The following GRHL3 variants were observed in gnomAD, a reference collection of about 807,000 sequenced individuals.
GRHL3 encodes the protein grainyhead-like protein 3 homolog.
Under a neutral mutation model 70.3 loss-of-function variants are expected in GRHL3, and 20 were observed. The observed-to-expected ratio is 0.28, with a 90% CI of 0.20 to 0.41. The LOEUF is 0.41. GRHL3 is among the 10% of genes least tolerant of loss of function. The pLI, the probability that GRHL3 is intolerant of heterozygous loss-of-function variation, is 1.00. For missense variants in GRHL3, 637 were observed against 762.3 expected (o/e 0.84, Z 1.94); for synonymous variants, 299 against 299.9 (o/e 1.00, Z 0.03).
chr1:24,332,050 G>T lies in GRHL3; in HGVS notation c.204+438G>T, dbSNP rs74571925. 8.0e-3 allele frequency among the ~76,000 whole-genome samples: 1,220 copies of T among 152,254 alleles called. 14 individuals carry two copies. Among genetic ancestry groups the T allele is most frequent in the African/African-American group, 0.027 (1,117 of 41,540 alleles). On this transcript the variant is annotated intron_variant, in intron 2 of 15. Transcript: ENST00000361548. ...GTGGACAGTGCCTGACCCACTCGTT[G>T]CCTGGTCCAAGCACATTCTGTGACA...
intron 1 of GRHL3, among the ~76,000 whole-genome samples, chr1:24,330,022 A>G (rs951782339): frequency 1.6e-4 from 24 of 152,364 alleles, no homozygotes; most frequent in African/African-American, 5.5e-4. Flanking sequence ...ACCCAGAGCC[A>G]GTGAATCAGA....
chr1:24,336,693 G>A lies in GRHL3; in HGVS notation c.478G>A (p.Val160Met). ...AGPSKLEAGS[V>M]DSYLLPTTDM... ...CCCCAGCAAGCTGGAGGCCGGCTCT[G>A]TGGACAGCTACCTGTTACCCACCAC... Residue 160 changes from valine to methionine, a missense_variant, in exon 4 of 16, where the codon GTG (valine) becomes ATG (methionine). Transcript: ENST00000361548. 6.2e-7 allele frequency: 1 copy of A among 1,614,140 alleles called. No homozygotes were observed.
At position 24,342,677 on chromosome 1, in the gene GRHL3, C is replaced by A; in HGVS notation, c.1207-17C>A. On this transcript the variant is annotated splice_polypyrimidine_tract_variant and intron_variant, in intron 9 of 15. Coordinates refer to ENST00000361548, the MANE Select transcript of GRHL3 (RefSeq NM_198173.3). The surrounding 1 kb of genome is among the most constrained non-coding windows in gnomAD (Gnocchi z 4.8). ...CCTCCCAGGCCCTTGGTGACCCTCT[C>A]TCCTTCTCCCCTGCAGGGAGCTGAG... 6.2e-7 allele frequency: 1 copy of A among 1,613,280 alleles called. No homozygotes were observed. The highest frequency in any genetic ancestry group is 1.1e-5 in the South Asian group (1 of 91,062).
At chr1:24,343,155 T>C (rs1231117977) in intron 11 of GRHL3, 130 bp downstream of exon 11, 8 of 1,010,620 alleles carry the variant, frequency 7.9e-6, no homozygotes, top group Non-Finnish European at 1.5e-6. Context: ...TATTGAATCA[T>C]AGGGGTTTAA....
chr1:24,339,567 C>A (rs971755630), intron 7 of GRHL3, 101 bp from the exon 8 acceptor site: 2 of 737,148 alleles, frequency 2.7e-6, no homozygotes, highest in Admixed American at 2.3e-5. Context: ...GCGTGAGAAA[C>A]CACGCCCGGC....
intron 11 of GRHL3, among the ~76,000 whole-genome samples, chr1:24,344,660 C>T (rs1410046904): frequency 6.6e-6 from 1 of 152,002 alleles, no homozygotes; most frequent in Non-Finnish European, 1.5e-5. Context: ...GGCTTTAGCA[C>T]CTCCTGTGTG....
downstream of GRHL3, among the ~76,000 whole-genome samples, chr1:24,356,628 A>C (rs1038123861): frequency 1.3e-5 from 2 of 152,114 alleles, no homozygotes; most frequent in African/African-American, 4.8e-5. Flanking sequence ...TGTAGCCCTC[A>C]GTTTCTTTGG....
At position 24,334,796 on chromosome 1, in the gene GRHL3, C is replaced by CTGTGCCTCCTGTGCCTA; in HGVS notation, c.266+90_266+91insTGTGCCTCCTGTGCCTA. 1.2e-6 allele frequency: 1 copy of CTGTGCCTCCTGTGCCTA among 857,898 alleles called. No individual in the cohort carries two copies. The highest frequency in any genetic ancestry group is 1.9e-6 in the Non-Finnish European group (1 of 538,862). The allele number at this position is 857,898 out of a possible 1,614,324, so 53.1% of individuals were successfully genotyped here. A position where few individuals can be genotyped will look rare whatever the true frequency, so the allele number is the denominator to read the frequency against. The stretch of plus-strand genomic sequence containing the variant: ...ACAGGTTTGACTTATCCATTAGGCA[C>CTGTGCCTCCTGTGCCTA]AGGAGGCACAGTGCTGAGGGCCCAC... On this transcript the variant is annotated intron_variant, in intron 3 of 15. Transcript: ENST00000361548. The surrounding 1 kb of genome is among the most constrained non-coding windows in gnomAD (Gnocchi z 4.3).
At chr1:24,350,152 G>C in intron 15 of GRHL3, 30 bp downstream of exon 15, 1 of 1,594,400 alleles carries the variant, frequency 6.3e-7, no homozygotes, top group Non-Finnish European at 8.6e-7. Flanking sequence ...TCCCCCAGCT[G>C]GTTGCTCAGT....
chr1:24,336,357 A>G (rs975942589), intron 3 of GRHL3, 125 bp from the exon 4 acceptor site: 3 of 645,360 alleles, frequency 4.6e-6, no homozygotes, highest in African/African-American at 3.6e-5. Flanking sequence ...TATTTCGTGC[A>G]TGCTGGATGG....
At position 24,354,515 on chromosome 1, in the gene GRHL3, G is replaced by A. The variant is rs185866621; in HGVS notation, c.*27G>A. On this transcript the variant is annotated 3_prime_UTR_variant, in exon 16 of 16. Coordinates refer to ENST00000361548, the MANE Select transcript of GRHL3 (RefSeq NM_198173.3). ...GCCTCTCGAGCATCCAAACCCTCAC[G>A]ACCTGCAAGGGGCCAGCAGGGACGT... 9.8e-6 allele frequency: 14 copies of A among 1,435,752 alleles called. No individual in the cohort carries two copies. The highest frequency in any genetic ancestry group is 6.8e-5 in the East Asian group (3 of 43,980). The allele number at this position is 1,435,752 out of a possible 1,614,324, so 88.9% of individuals were successfully genotyped here. A position where few individuals can be genotyped will look rare whatever the true frequency, so the allele number is the denominator to read the frequency against.
chr1:24,347,547 G>T lies in GRHL3; in HGVS notation c.1623G>T (p.Arg541Ser). Residue 541 changes from arginine (R) to serine (S), a missense_variant, in exon 14 of 16, where the codon AGG (arginine) becomes AGT (serine). Coordinates refer to ENST00000361548, the MANE Select transcript of GRHL3 (RefSeq NM_198173.3). ...MLKTPDLKGLRNAISEKYGFP... is the reference protein window; with the variant it reads ...MLKTPDLKGLSNAISEKYGFP... The stretch of plus-strand genomic sequence containing the variant: ...AGACCCCAGACCTGAAGGGGCTGAG[G>T]AATGCGGTAAGCTGCCTGTGGACCC... The T allele has an allele frequency of 1.9e-6, 3 of 1,613,754 alleles. No homozygotes were observed. The highest frequency in any genetic ancestry group is 2.5e-6 in the Non-Finnish European group (3 of 1,179,624).
At chr1:24,340,353 G>A (rs936938031) in intron 8 of GRHL3, among the ~76,000 whole-genome samples, 3 of 152,234 alleles carry the variant, frequency 2.0e-5, no homozygotes, top group Non-Finnish European at 4.4e-5. Context: ...TAGGATTGGA[G>A]TGCAGAGCCC....
At chr1:24,324,797 C>T (rs1639328330) in intron 1 of GRHL3, among the ~76,000 whole-genome samples, 1 of 152,152 alleles carries the variant, frequency 6.6e-6, no homozygotes, top group Admixed American at 6.5e-5. Context: ...GTCTGCAAAG[C>T]TCTGGGCCCA....
At chr1:24,336,032 G>A (rs1639795146) in intron 3 of GRHL3, among the ~76,000 whole-genome samples, 1 of 151,982 alleles carries the variant, frequency 6.6e-6, no homozygotes. Flanking sequence ...ACAGTTTGGG[G>A]TACATCCTTC....
rs35646472 is a variant in GRHL3, at chr1:24,335,014, AACACACACACACACACACACACACAC to A, written c.266+332_266+357del. Among the ~76,000 whole-genome samples the A allele has an allele frequency of 3.9e-4, 54 of 137,044 alleles. 1 individual carries two copies. Among genetic ancestry groups the A allele is most frequent in the African/African-American group, 1.3e-3 (48 of 37,516 alleles). 89.9% of individuals were successfully genotyped at this position (137,044 alleles called of 152,430 possible). On this transcript the variant is annotated intron_variant, in intron 3 of 15. Coordinates refer to ENST00000361548, the MANE Select transcript of GRHL3 (RefSeq NM_198173.3). ...AAGTCCTAATGAAACTCAGCTTGAA[AACACACACACACACACACACACACAC>A]ACACACACACACACACACACACAGA...
At chr1:24,343,099 C>T (rs1341868765) in intron 11 of GRHL3, 74 bp downstream of exon 11, 1 of 1,580,056 alleles carries the variant, frequency 6.3e-7, no homozygotes, top group East Asian at 2.2e-5. Context: ...TGCCTTAGCA[C>T]AGACCAGTGG....
intron 5 of GRHL3, 132 bp from the exon 6 acceptor site, chr1:24,337,504 A>T (rs1639868492): frequency 1.1e-6 from 1 of 948,414 alleles, no homozygotes; most frequent in African/African-American, 1.7e-5. Flanking sequence ...ACTGGGGCCC[A>T]AGGAAGTAAG....
At chr1:24,348,426 C>T (rs919488764) in intron 14 of GRHL3, among the ~76,000 whole-genome samples, 10 of 152,336 alleles carry the variant, frequency 6.6e-5, no homozygotes, top group South Asian at 2.1e-4. Context: ...TCATGCTACT[C>T]GGCTGCTTGT....
Sources: gnomAD v4.1 joint callset for allele counts (sites outside exome capture counted in the v4.1 genomes callset) on GRCh38, gnomAD v4.1.1 for gene constraint, Gnocchi (gnomAD v3.1) non-coding constraint, MANE v1.5 for transcripts, NCBI Gene and HGNC (gene_info 2026-07-23, HGNC 2026-07-21) for gene names.